Variants in ADGRG6 observed in about 807,000 individuals in gnomAD.
ADGRG6 encodes adhesion G protein-coupled receptor G6, also known as G-protein coupled receptor 126.
ADGRG6 carries 84 observed loss-of-function variants against 142.4 expected under a neutral mutation model. The ratio of observed to expected loss-of-function variants is 0.59; its 90% CI spans 0.49 to 0.71. The LOEUF (loss-of-function observed/expected upper bound fraction) is 0.71. Among genes scored for constraint, ADGRG6 ranks in the 30% least tolerant of loss-of-function variants. The probability of loss-of-function intolerance (pLI) is 0.00; values close to 1 mark genes in which losing one functional copy is unlikely to be tolerated. For missense variants in ADGRG6, 1,367 were observed against 1,466.6 expected (o/e 0.93, Z 1.11); for synonymous variants, 521 against 520.5 (o/e 1.00, Z -0.01).
chr6:142,417,294 C>A lies in ADGRG6; in HGVS notation c.2960C>A (p.Ser987Ter). 1 of 1,599,308 alleles carries A rather than the reference C, an allele frequency of 6.3e-7. No homozygotes were observed. Among genetic ancestry groups the A allele is most frequent in the Admixed American group, 1.7e-5 (1 of 59,626 alleles). The change falls in exon 21 of 25, where the codon TCA becomes TAA. Residue 987 changes from serine to a stop codon, truncating the protein, a stop_gained. Coordinates refer to ENST00000367609, the MANE Select transcript of ADGRG6 (RefSeq NM_198569.3). LOFTEE classifies it high-confidence loss of function. ...IGWGLPALVV[S>*]VVLASRNNNE... ...ACAGGTTTGCCTGCCTTAGTGGTGT[C>A]AGTTGTTCTAGCGAGCAGAAACAAC...
At chr6:142,387,078 G>A (rs928849402) in intron 6 of ADGRG6, among the ~76,000 whole-genome samples, 6 of 152,220 alleles carry the variant, frequency 3.9e-5, no homozygotes, top group Non-Finnish European at 7.3e-5. Context: ...AGGACCTGCT[G>A]TGTACACTAA....
intron 22 of ADGRG6, among the ~76,000 whole-genome samples, chr6:142,428,318 T>C (rs1177643063): frequency 1.3e-5 from 2 of 152,154 alleles, no homozygotes; most frequent in African/African-American, 2.4e-5. Context: ...TTGCCAAAAA[T>C]TATGTTAAAT....
chr6:142,340,992 G>A (rs1300736728), intron 2 of ADGRG6, among the ~76,000 whole-genome samples: 2 of 151,976 alleles, frequency 1.3e-5, no homozygotes, highest in African/African-American at 2.4e-5. Flanking sequence ...GGTAGGAATT[G>A]GTTCAGGAAG....
chr6:142,410,627 C>CT (rs1236925590), intron 17 of ADGRG6, among the ~76,000 whole-genome samples: 1 of 151,966 alleles, frequency 6.6e-6, no homozygotes, highest in Non-Finnish European at 1.5e-5. Context: ...GCAAAAACTT[C>CT]TTTTTTTGAT....
chr6:142,396,501 C>T (rs1175766932), intron 9 of ADGRG6, among the ~76,000 whole-genome samples: 1 of 152,130 alleles, frequency 6.6e-6, no homozygotes, highest in Non-Finnish European at 1.5e-5. Context: ...AAATATTTCA[C>T]ATATTCCTTC....
chr6:142,401,017 T>C (rs1410946960), intron 11 of ADGRG6, among the ~76,000 whole-genome samples: 1 of 152,164 alleles, frequency 6.6e-6, no homozygotes, highest in East Asian at 1.9e-4. Flanking sequence ...AGTCTGCTGA[T>C]GGAAACTGTC....
intron 2 of ADGRG6, among the ~76,000 whole-genome samples, chr6:142,328,838 T>C (rs141398456): frequency 6.6e-6 from 1 of 152,332 alleles, no homozygotes; most frequent in Admixed American, 6.5e-5. Context: ...TGGACTGTTT[T>C]AAACTCTTAA....
chr6:142,406,415 A>G (rs1238820049), intron 15 of ADGRG6, among the ~76,000 whole-genome samples: 1 of 152,244 alleles, frequency 6.6e-6, no homozygotes, highest in Non-Finnish European at 1.5e-5. Context: ...GTTTGCCTTT[A>G]CAAGTACAAC....
intron 2 of ADGRG6, among the ~76,000 whole-genome samples, chr6:142,312,560 A>G (rs1777820008): frequency 6.6e-6 from 1 of 152,092 alleles, no homozygotes; most frequent in African/African-American, 2.4e-5. Flanking sequence ...GAAACCATTT[A>G]GAAAAGTTGA....
At chr6:142,441,712 AT>A (rs1777763491) in intron 24 of ADGRG6, among the ~76,000 whole-genome samples, 1 of 152,192 alleles carries the variant, frequency 6.6e-6, no homozygotes, top group South Asian at 2.1e-4. Context: ...CCAAGCACTA[AT>A]TATTCATTAT....
chr6:142,336,016 A>G (rs1028125747), intron 2 of ADGRG6, among the ~76,000 whole-genome samples: 3 of 152,182 alleles, frequency 2.0e-5, no homozygotes, highest in Non-Finnish European at 4.4e-5. Flanking sequence ...ATGTGAAAGA[A>G]CAAACAGTAA....
At chr6:142,388,451 A>G (rs76236220) in intron 6 of ADGRG6, among the ~76,000 whole-genome samples, 6,205 of 152,162 alleles carry the variant, frequency 0.041, 265 homozygotes, top group African/African-American at 0.11. Flanking sequence ...CATTGATAAT[A>G]CAGATGCTCC....
At chr6:142,429,155 C>A (rs1012213116) in intron 22 of ADGRG6, among the ~76,000 whole-genome samples, 2 of 151,954 alleles carry the variant, frequency 1.3e-5, no homozygotes, top group Non-Finnish European at 2.9e-5. Flanking sequence ...AATCTCTTAC[C>A]CTTATTCAGT....
Position 142,358,790 on chromosome 6 carries a change from A to G in ADGRG6, c.104-8779A>G, listed in dbSNP as rs553531668. 2.0e-4 allele frequency among the ~76,000 whole-genome samples: 31 copies of G among 152,146 alleles called. No homozygotes were observed. In the East Asian group the frequency reaches 5.6e-3, roughly 28 times the overall value. ...CATGGTGGCACATGCCTGTAGTCCT[A>G]ACTACTCGGGAGGCTGAGGCAGGAG... On this transcript the variant is annotated intron_variant, in intron 2 of 24. Coordinates refer to ENST00000367609, the MANE Select transcript of ADGRG6 (RefSeq NM_198569.3).
In ADGRG6 at chr6:142,393,903, C is replaced by A. The variant is rs866634377; in HGVS notation, c.1369C>A (p.Leu457Met). The A allele has an allele frequency of 6.4e-7, 1 of 1,552,060 alleles. No homozygotes were observed. Among genetic ancestry groups the A allele is most frequent in the East Asian group, 2.4e-5 (1 of 42,056 alleles). ...ATGTATTTGTGTTTTTAGTTTTCACCTGAGTGCTGGAGAGGACAAGATTAA... is the reference window on the plus strand; with the variant it reads ...ATGTATTTGTGTTTTTAGTTTTCACATGAGTGCTGGAGAGGACAAGATTAA... ...TVYVVNISFHLSAGEDKIKVK... is the reference protein window; with the variant it reads ...TVYVVNISFHMSAGEDKIKVK... The change falls in exon 9 of 25, where the codon CTG (leucine) becomes ATG (methionine). Residue 457 changes from leucine to methionine, a missense_variant. By Grantham distance (15) the Leu-to-Met change is conservative (BLOSUM62 2). Transcript: ENST00000367609.
intron 1 of ADGRG6, among the ~76,000 whole-genome samples, chr6:142,305,549 A>G (rs1455306695): frequency 6.6e-6 from 1 of 152,094 alleles, no homozygotes; most frequent in Non-Finnish European, 1.5e-5. Flanking sequence ...AATTTTAAAG[A>G]TATTTCTAAC....
chr6:142,338,121 C>T (rs1161707833), intron 2 of ADGRG6, among the ~76,000 whole-genome samples: 18 of 145,840 alleles, frequency 1.2e-4, no homozygotes, highest in East Asian at 2.1e-4. Context: ...CCCGGGTTCA[C>T]GCCATTCTCC....
rs1181160678 is a variant in ADGRG6 at position 142,302,321 on chromosome 6, A to G, written c.-9A>G. 1 of 1,613,028 alleles carries G rather than the reference A, an allele frequency of 6.2e-7. No homozygotes were observed. Among genetic ancestry groups the G allele is most frequent in the Non-Finnish European group, 8.5e-7 (1 of 1,179,434 alleles). The stretch of plus-strand genomic sequence containing the variant: ...CGGCCAAAGGGGACCTCGGCGCAGT[A>G]ATGTCAACATGTAAGTCTCACCTTT... On this transcript the variant is annotated 5_prime_UTR_variant, in exon 1 of 25. The change abolishes the stop of an existing upstream ORF in the 5' untranslated region. Coordinates refer to ENST00000367609, the MANE Select transcript of ADGRG6 (RefSeq NM_198569.3).
At chr6:142,327,279 AG>A (rs1326337598) in intron 2 of ADGRG6, among the ~76,000 whole-genome samples, 1 of 151,998 alleles carries the variant, frequency 6.6e-6, no homozygotes, top group Non-Finnish European at 1.5e-5. Context: ...AAAAAAAAAA[AG>A]TCTTTGGGGA....
Sources: gnomAD v4.1 joint callset for allele counts (sites outside exome capture counted in the v4.1 genomes callset) on GRCh38, gnomAD v4.1.1 for gene constraint, MANE v1.5 for transcripts, NCBI Gene and HGNC (gene_info 2026-07-23, HGNC 2026-07-21) for gene names.